PUDP: variants seen among roughly 807,000 people sequenced by gnomAD.
PUDP encodes the protein pseudouridine 5'-phosphatase, also known as pseudouridine-5'-phosphatase.
Under a neutral mutation model 9.4 loss-of-function variants are expected in PUDP, and 8 were observed. The ratio of observed to expected loss-of-function variants is 0.85; its 90% CI spans 0.50 to 1.53. The LOEUF is 1.53. Ranked by LOEUF, PUDP falls within the 40% of genes most tolerant of loss-of-function variation. The pLI is 0.00. For synonymous variants in PUDP, 99 were observed against 80.7 expected (o/e 1.23, Z -1.22); for missense variants, 188 against 189.7 (o/e 0.99, Z 0.05).
intron 3 of PUDP, among the ~76,000 whole-genome samples, chrX:6,884,559 C>T (rs908644947): frequency 7.1e-5 from 8 of 111,899 alleles, no homozygotes; most frequent in African/African-American, 2.6e-4. Context: ...GCAAATTCAT[C>T]CACCAAGAAG....
At chrX:6,847,393 T>A (rs1005660174) in intron 3 of PUDP, among the ~76,000 whole-genome samples, 2 of 111,668 alleles carry the variant, frequency 1.8e-5, no homozygotes, top group Non-Finnish European at 3.8e-5. Flanking sequence ...TACCATAAAA[T>A]CTAAAATTTC....
At chrX:6,785,805 A>T (rs1438311892) in intron 3 of PUDP, among the ~76,000 whole-genome samples, 1 of 111,542 alleles carries the variant, frequency 9.0e-6, no homozygotes, top group African/African-American at 3.3e-5. Flanking sequence ...TGTAAAGACA[A>T]ATTGGGCAGC....
At chrX:6,859,667 T>A (rs778623826) in intron 3 of PUDP, among the ~76,000 whole-genome samples, 36 of 111,299 alleles carry the variant, frequency 3.2e-4, no homozygotes, top group African/African-American at 1.0e-3. Flanking sequence ...TTTTCTGAGT[T>A]GTTTTTCAGA....
chrX:6,846,050 T>G (rs1474026138), intron 3 of PUDP, among the ~76,000 whole-genome samples: 1 of 112,299 alleles, frequency 8.9e-6, no homozygotes, highest in African/African-American at 3.2e-5. Context: ...TAGGTCTCTA[T>G]TTCTTCCTTC....
At chrX:6,954,843 A>G (rs1175907703) in intron 3 of PUDP, among the ~76,000 whole-genome samples, 2 of 112,096 alleles carry the variant, frequency 1.8e-5, no homozygotes, top group African/African-American at 3.2e-5. Context: ...TCCAACCTGG[A>G]AAGGCCACCT....
chrX:6,719,656 C>T (rs749253705), intron 1 of PUDP, among the ~76,000 whole-genome samples: 1 of 111,874 alleles, frequency 8.9e-6, no homozygotes, highest in African/African-American at 3.2e-5. Context: ...ATCTCACTGC[C>T]CTGTCCCATT....
intron 3 of PUDP, among the ~76,000 whole-genome samples, chrX:6,877,625 T>C (rs1326893354): frequency 2.7e-5 from 3 of 111,619 alleles, no homozygotes; most frequent in Non-Finnish European, 5.6e-5. Context: ...ATTCAGCCAG[T>C]TCAATAAGCA....
rs1047887907 is a variant in PUDP at position 6,863,743 on chromosome X, G to C, written c.*247+113390C>G. 4.5e-5 allele frequency among the ~76,000 whole-genome samples: 5 copies of C among 111,925 alleles called. No individual in the cohort carries two copies. In the South Asian group the frequency reaches 1.1e-3, roughly 25 times the overall value. On this transcript the variant is annotated intron_variant and NMD_transcript_variant, in intron 3 of 3. Coordinates refer to the PUDP transcript ENST00000655425. Reference sequence around the variant, plus strand: ...TGAAATTGGCATACGGTCTACGGTTGCTTTTCAGAAAAGAATGTTTGTAAG... The same window carrying C: ...TGAAATTGGCATACGGTCTACGGTTCCTTTTCAGAAAAGAATGTTTGTAAG...
At chrX:6,713,769 C>T (rs1026162) in intron 1 of PUDP, among the ~76,000 whole-genome samples, 30,987 of 109,466 alleles carry the variant, frequency 0.28, 3,571 homozygotes, top group Non-Finnish European at 0.35. Flanking sequence ...AAGGGACTGT[C>T]GGGCACTGTG....
At chrX:7,011,390 TA>T (rs1410882861) in intron 1 of PUDP, among the ~76,000 whole-genome samples, 1 of 111,897 alleles carries the variant, frequency 8.9e-6, no homozygotes, top group African/African-American at 3.3e-5. Context: ...ACAGCATTTG[TA>T]CACTGTGTCT....
chrX:6,725,569 A>G (rs1174819846), upstream of PUDP, among the ~76,000 whole-genome samples: 1 of 111,893 alleles, frequency 8.9e-6, no homozygotes, highest in Non-Finnish European at 1.9e-5. Context: ...TCATCCACTG[A>G]TGGACTCTTA....
intron 3 of PUDP, among the ~76,000 whole-genome samples, chrX:6,809,792 C>T (rs1020385210): frequency 6.3e-5 from 7 of 111,381 alleles, no homozygotes; most frequent in Non-Finnish European, 1.3e-4. Context: ...AGTGATCAGG[C>T]ACAGTTGCAA....
chrX:6,753,061 G>T (rs1004990229), intron 3 of PUDP, among the ~76,000 whole-genome samples: 1 of 110,113 alleles, frequency 9.1e-6, no homozygotes, highest in African/African-American at 3.3e-5. Context: ...TGAGATTTCG[G>T]TGCCTCCATT....
chrX:7,086,139 C>T (rs1416292714), intron 2 of PUDP, among the ~76,000 whole-genome samples: 1 of 111,484 alleles, frequency 9.0e-6, no homozygotes, highest in Non-Finnish European at 1.9e-5. Context: ...TTTAAAATGC[C>T]CAGTCACCTC....
chrX:7,134,239 A>G (rs1932688599), intron 1 of PUDP, among the ~76,000 whole-genome samples: 1 of 112,196 alleles, frequency 8.9e-6, no homozygotes, highest in Admixed American at 9.5e-5. Flanking sequence ...TCAATCATCA[A>G]TGAGATAAAA....
At chrX:6,995,881 C>G (rs1044243395) in intron 1 of PUDP, among the ~76,000 whole-genome samples, 7 of 107,473 alleles carry the variant, frequency 6.5e-5, no homozygotes, top group African/African-American at 2.4e-4. Flanking sequence ...GAAGATTATT[C>G]TCAAGCCCTT....
intron 3 of PUDP, among the ~76,000 whole-genome samples, chrX:6,751,996 T>C (rs1925097068): frequency 9.0e-6 from 1 of 111,138 alleles, no homozygotes; most frequent in African/African-American, 3.3e-5. Flanking sequence ...CTATGTTTCA[T>C]CTCATCATTT....
chrX:7,139,611 G>A (rs1158678557), intron 1 of PUDP, among the ~76,000 whole-genome samples: 3 of 111,884 alleles, frequency 2.7e-5, no homozygotes, highest in African/African-American at 6.5e-5. Context: ...GATAAGCTTC[G>A]ATGTGCCAAC....
intron 1 of PUDP, among the ~76,000 whole-genome samples, chrX:6,712,819 G>T (rs920030464): frequency 6.3e-5 from 7 of 111,447 alleles, no homozygotes; most frequent in African/African-American, 2.0e-4. Flanking sequence ...AGGCTGAGGC[G>T]GGTGGATCAC....
Sources: gnomAD v4.1 joint callset for allele counts (sites outside exome capture counted in the v4.1 genomes callset) on GRCh38, gnomAD v4.1.1 for gene constraint, MANE v1.5 for transcripts, NCBI Gene and HGNC (gene_info 2026-07-23, HGNC 2026-07-21) for gene names.